The following COMMD10 variants were observed in gnomAD, a reference collection of about 807,000 sequenced individuals.
COMMD10 encodes COMM domain-containing protein 10.
COMMD10 carries 33 observed loss-of-function variants against 28.9 expected under a neutral mutation model. The observed-to-expected ratio is 1.14, with a 90% CI of 0.87 to 1.53. COMMD10 has a LOEUF of 1.53. Among genes scored for constraint, COMMD10 ranks in the 40% most tolerant of loss-of-function variants. The pLI, the probability that COMMD10 is intolerant of heterozygous loss-of-function variation, is 0.00. For synonymous variants in COMMD10, 110 were observed against 81.7 expected, an observed-to-expected ratio of 1.35 and a Z score of -1.87; for missense variants, 310 against 233.4, an observed-to-expected ratio of 1.33 and a Z score of -2.14.
intron 5 of COMMD10, among the ~76,000 whole-genome samples, chr5:116,189,409 G>T (rs1205872400): frequency 2.0e-5 from 3 of 152,088 alleles, no homozygotes; most frequent in Non-Finnish European, 2.9e-5. Flanking sequence ...CTCAGCAGAG[G>T]CTTCCTAGGC....
chr5:116,219,234 C>T (rs1441435411), intron 5 of COMMD10, among the ~76,000 whole-genome samples: 1 of 88,448 alleles, frequency 1.1e-5, no homozygotes, highest in Non-Finnish European at 3.5e-5. Flanking sequence ...TTAAGCCACC[C>T]AGTCTGTGGC....
At chr5:116,097,756 T>C (rs1561598533) in intron 4 of COMMD10, among the ~76,000 whole-genome samples, 1 of 151,992 alleles carries the variant, frequency 6.6e-6, no homozygotes, top group Admixed American at 6.6e-5. Context: ...CTTACAGTCA[T>C]GGTGGAAGGT....
intron 5 of COMMD10, among the ~76,000 whole-genome samples, chr5:116,152,107 G>A (rs1352736332): frequency 6.6e-6 from 1 of 151,960 alleles, no homozygotes; most frequent in African/African-American, 2.4e-5. Flanking sequence ...CCTTCATTTT[G>A]TTATGTACCC....
intron 5 of COMMD10, among the ~76,000 whole-genome samples, chr5:116,277,719 T>C (rs1457544888): frequency 6.6e-6 from 1 of 151,932 alleles, no homozygotes; most frequent in Non-Finnish European, 1.5e-5. Flanking sequence ...AACTAAATTG[T>C]CAAATTAACC....
At chr5:116,180,654 G>A (rs749725579) in intron 5 of COMMD10, among the ~76,000 whole-genome samples, 56 of 151,278 alleles carry the variant, frequency 3.7e-4, no homozygotes, top group Non-Finnish European at 6.3e-4. Flanking sequence ...TTTGAAAAAC[G>A]AATTTAGTGA....
At chr5:116,196,433 A>G (rs1748523269) in intron 5 of COMMD10, among the ~76,000 whole-genome samples, 1 of 152,018 alleles carries the variant, frequency 6.6e-6, no homozygotes, top group African/African-American at 2.4e-5. Flanking sequence ...AAATCTCACA[A>G]ATCTCCACTA....
chr5:116,221,023 T>C (rs1044979709), intron 5 of COMMD10, among the ~76,000 whole-genome samples: 1 of 151,972 alleles, frequency 6.6e-6, no homozygotes, highest in Non-Finnish European at 1.5e-5. Context: ...TCTCCTTAAC[T>C]GCTCCATAGA....
At chr5:116,259,722 G>T (rs939148543) in intron 5 of COMMD10, among the ~76,000 whole-genome samples, 1 of 151,714 alleles carries the variant, frequency 6.6e-6, no homozygotes, top group Non-Finnish European at 1.5e-5. Flanking sequence ...GCTGGGCAGG[G>T]TATTCCCGGT....
intron 5 of COMMD10, among the ~76,000 whole-genome samples, chr5:116,239,863 C>T (rs1749768224): frequency 6.6e-6 from 1 of 152,130 alleles, no homozygotes; most frequent in Admixed American, 6.6e-5. Flanking sequence ...AAATGATTGA[C>T]AAGGCAGAAA....
chr5:116,119,383 G>A (rs75142834), intron 4 of COMMD10, among the ~76,000 whole-genome samples: 11,686 of 152,166 alleles, frequency 0.077, 810 homozygotes, highest in African/African-American at 0.19. Flanking sequence ...AGTACAGAGT[G>A]CCAAAATGAA....
chr5:116,288,380 CTT>C (rs1193664507), intron 5 of COMMD10, among the ~76,000 whole-genome samples: 1 of 151,736 alleles, frequency 6.6e-6, no homozygotes, highest in African/African-American at 2.4e-5. Context: ...AAGTTTCTGT[CTT>C]TGACTTTACA....
chr5:116,140,229 C>CTGTGTGTG (rs113427747), intron 5 of COMMD10, among the ~76,000 whole-genome samples: 2,120 of 122,292 alleles, frequency 0.017, 29 homozygotes, highest in African/African-American at 0.064. Flanking sequence ...ACTCATACTA[C>CTGTGTGTG]TATGTGTGTG....
intron 2 of COMMD10, among the ~76,000 whole-genome samples, chr5:116,088,216 T>A (rs1175105455): frequency 6.6e-6 from 1 of 152,224 alleles, no homozygotes; most frequent in East Asian, 1.9e-4. Flanking sequence ...TCACCATCCA[T>A]TGAGAACCAA....
chr5:116,124,383 G>T (rs1025914381), intron 4 of COMMD10, among the ~76,000 whole-genome samples: 3 of 152,190 alleles, frequency 2.0e-5, no homozygotes, highest in Non-Finnish European at 4.4e-5. Context: ...GCAGTTTTAA[G>T]TGAGTTTCTT....
chr5:116,098,757 T>C (rs958291181), intron 4 of COMMD10, among the ~76,000 whole-genome samples: 1 of 152,174 alleles, frequency 6.6e-6, no homozygotes, highest in African/African-American at 2.4e-5. Context: ...ATCAATGAAA[T>C]AATGTTAAAA....
intron 4 of COMMD10, among the ~76,000 whole-genome samples, chr5:116,103,784 A>T (rs539967431): frequency 1.2e-4 from 18 of 151,744 alleles, no homozygotes; most frequent in Non-Finnish European, 2.4e-4. Context: ...TAGGGTTTTT[A>T]TGATTTTTAA....
At chr5:116,253,234 A>G (rs1260779522) in intron 5 of COMMD10, among the ~76,000 whole-genome samples, 4 of 120,724 alleles carry the variant, frequency 3.3e-5, no homozygotes, top group Non-Finnish European at 5.2e-5. Context: ...CAATCATGTC[A>G]TCTGCAAACA....
At chr5:116,120,856 A>G (rs1751406133) in intron 4 of COMMD10, among the ~76,000 whole-genome samples, 1 of 151,776 alleles carries the variant, frequency 6.6e-6, no homozygotes, top group African/African-American at 2.4e-5. Flanking sequence ...GGTTTTGGCT[A>G]TTATGAATAA....
intron 5 of COMMD10, among the ~76,000 whole-genome samples, chr5:116,238,377 C>T (rs1749734067): frequency 6.6e-6 from 1 of 152,114 alleles, no homozygotes; most frequent in Non-Finnish European, 1.5e-5. Flanking sequence ...TTGGGCAATT[C>T]TCAAATCTTT....
Sources: gnomAD v4.1 joint callset for allele counts (sites outside exome capture counted in the v4.1 genomes callset) on GRCh38, gnomAD v4.1.1 for gene constraint, MANE v1.5 for transcripts, NCBI Gene and HGNC (gene_info 2026-07-23, HGNC 2026-07-21) for gene names.